The following CNTN4 variants were observed in gnomAD, a reference collection of about 807,000 sequenced individuals.
CNTN4 encodes the protein contactin 4, also known as contactin-4.
A neutral mutation model predicts 122.5 loss-of-function variants in CNTN4; 77 were observed. That is an observed-to-expected ratio of 0.63 (90% CI 0.52 to 0.76). The LOEUF (loss-of-function observed/expected upper bound fraction) is 0.76. CNTN4 is among the 30% of genes least tolerant of loss of function. The pLI, the probability that CNTN4 is intolerant of heterozygous loss-of-function variation, is 0.00. For missense variants in CNTN4, 1,256 were observed against 1,259.1 expected (o/e 1.00, Z 0.04); for synonymous variants, 512 against 447.0 (o/e 1.15, Z -1.83).
chr3:2,428,132 T>A (rs1251310604), intron 3 of CNTN4, among the ~76,000 whole-genome samples: 1 of 152,202 alleles, frequency 6.6e-6, no homozygotes, highest in African/African-American at 2.4e-5. Flanking sequence ...AGCTGGTTAT[T>A]TTGCTGAGTA....
At chr3:2,438,073 C>T (rs1034228141) in intron 3 of CNTN4, among the ~76,000 whole-genome samples, 1 of 152,170 alleles carries the variant, frequency 6.6e-6, no homozygotes, top group Non-Finnish European at 1.5e-5. Context: ...TTTAATTCCA[C>T]TTCTTTTCAC....
intron 3 of CNTN4, among the ~76,000 whole-genome samples, chr3:2,533,499 T>C (rs1333034763): frequency 4.3e-5 from 3 of 69,990 alleles, no homozygotes; most frequent in Admixed American, 2.6e-4. Flanking sequence ...TTCCATAGGG[T>C]GTATATGTAC....
At chr3:2,544,295 G>C (rs2078151637) in intron 3 of CNTN4, among the ~76,000 whole-genome samples, 1 of 152,040 alleles carries the variant, frequency 6.6e-6, no homozygotes, top group African/African-American at 2.4e-5. Flanking sequence ...TGGAGAACAT[G>C]GGAAGAAAGA....
chr3:2,511,241 C>T (rs1457943179), intron 3 of CNTN4: 1 of 152,206 alleles, frequency 6.6e-6, no homozygotes, highest in East Asian at 1.9e-4. Context: ...GGGAAAGAAG[C>T]CTTAATCTCC....
At position 2,316,660 on chromosome 3, in the gene CNTN4, C is replaced by T. The variant is rs555393074; in HGVS notation, c.-144-22518C>T. 2.6e-5 allele frequency among the ~76,000 whole-genome samples: 4 copies of T among 152,198 alleles called. No homozygotes were observed. In the East Asian group the frequency reaches 7.7e-4, roughly 29 times the overall value. ...TACAGGATTCAACAGAACACTTAGT[C>T]TTTTGTCTTCATTTTCCCCATTGCT... On this transcript the variant is annotated intron_variant, in intron 2 of 24. Coordinates refer to ENST00000418658, the MANE Select transcript of CNTN4 (RefSeq NM_175607.3).
intron 3 of CNTN4, among the ~76,000 whole-genome samples, chr3:2,350,666 C>T (rs1206849707): frequency 1.3e-5 from 2 of 152,118 alleles, no homozygotes; most frequent in East Asian, 3.8e-4. Context: ...AATGTCTCTT[C>T]ATTAAGTTTT....
intron 2 of CNTN4, among the ~76,000 whole-genome samples, chr3:2,257,375 A>G (rs1221461873): frequency 6.6e-6 from 1 of 152,246 alleles, no homozygotes; most frequent in East Asian, 1.9e-4. Context: ...GGACATAGGC[A>G]TGGGCAAAGA....
chr3:2,949,156 C>T (rs1408083296), intron 13 of CNTN4, among the ~76,000 whole-genome samples: 2 of 152,064 alleles, frequency 1.3e-5, no homozygotes, highest in East Asian at 3.9e-4. Context: ...CTTGCTTTTC[C>T]CACTAACTGA....
intron 7 of CNTN4, among the ~76,000 whole-genome samples, chr3:2,838,110 G>C (rs961335228): frequency 6.6e-6 from 1 of 152,180 alleles, no homozygotes; most frequent in African/African-American, 2.4e-5. Context: ...TTTCATTCAA[G>C]AAACCACATG....
intron 14 of CNTN4, among the ~76,000 whole-genome samples, chr3:3,009,183 C>T (rs538711825): frequency 6.6e-6 from 1 of 152,256 alleles, no homozygotes; most frequent in Admixed American, 6.5e-5. Flanking sequence ...AAACAGTGGG[C>T]CATGGTTACT....
intron 3 of CNTN4, among the ~76,000 whole-genome samples, chr3:2,465,920 A>T (rs758621455): frequency 6.6e-6 from 1 of 152,194 alleles, no homozygotes; most frequent in Non-Finnish European, 1.5e-5. Context: ...TGTGCAATTC[A>T]TAATTGGAAG....
At chr3:2,555,883 C>G (rs2078700548) in intron 3 of CNTN4, among the ~76,000 whole-genome samples, 2 of 152,094 alleles carry the variant, frequency 1.3e-5, no homozygotes, top group South Asian at 4.1e-4. Context: ...GCACACTGCT[C>G]AGAAGTGAGA....
intron 2 of CNTN4, among the ~76,000 whole-genome samples, chr3:2,200,700 T>C (rs765348018): frequency 3.9e-5 from 6 of 152,204 alleles, no homozygotes; most frequent in African/African-American, 7.2e-5. Flanking sequence ...CAAAGTGTTA[T>C]TGATGCCTCA....
chr3:3,033,435 G>A (rs1409662149), intron 16 of CNTN4, among the ~76,000 whole-genome samples: 2 of 152,228 alleles, frequency 1.3e-5, no homozygotes, highest in Non-Finnish European at 2.9e-5. Context: ...TCACGTAAAC[G>A]GTGAAGGAGT....
chr3:2,523,872 A>C (rs1022386382), intron 3 of CNTN4, among the ~76,000 whole-genome samples: 7 of 152,192 alleles, frequency 4.6e-5, no homozygotes, highest in African/African-American at 1.7e-4. Flanking sequence ...CAAAAAAACT[A>C]CCCATCATTT....
At chr3:2,264,297 A>G (rs2040955560) in intron 2 of CNTN4, among the ~76,000 whole-genome samples, 1 of 151,846 alleles carries the variant, frequency 6.6e-6, no homozygotes. Context: ...TGTCTTTTTG[A>G]TAATAGCTGT....
At chr3:2,173,035 A>G (rs375773305) in intron 2 of CNTN4, among the ~76,000 whole-genome samples, 52 of 152,204 alleles carry the variant, frequency 3.4e-4, no homozygotes, top group African/African-American at 1.2e-3. Context: ...GATATCAGTC[A>G]TCACACAGAA....
chr3:2,819,331 A>G (rs2150242082), intron 6 of CNTN4, among the ~76,000 whole-genome samples, 155 bp from the exon 7 acceptor site: 1 of 152,314 alleles, frequency 6.6e-6, no homozygotes, highest in South Asian at 2.1e-4. Flanking sequence ...GGATGGGACA[A>G]TGTCATATGA....
At chr3:2,730,919 GA>G (rs200832277) in intron 4 of CNTN4, among the ~76,000 whole-genome samples, 19 of 148,160 alleles carry the variant, frequency 1.3e-4, no homozygotes, top group African/African-American at 2.7e-4. Flanking sequence ...TTAATTAAAA[GA>G]AAAAAAAATA....
Sources: gnomAD v4.1 joint callset for allele counts (sites outside exome capture counted in the v4.1 genomes callset) on GRCh38, gnomAD v4.1.1 for gene constraint, MANE v1.5 for transcripts, NCBI Gene and HGNC (gene_info 2026-07-23, HGNC 2026-07-21) for gene names.